RFX3: variants seen among roughly 807,000 people sequenced by gnomAD.
RFX3 encodes transcription factor RFX3.
In RFX3, 14 loss-of-function variants were observed where a neutral mutation model predicts 98.6. The observed-to-expected ratio is 0.14, with a 90% CI of 0.09 to 0.22. RFX3 has a LOEUF of 0.22. Ranked by LOEUF, RFX3 falls within the 10% of genes least tolerant of loss-of-function variation. The pLI, the probability that RFX3 is intolerant of heterozygous loss-of-function variation, is 1.00. For missense variants in RFX3, 639 were observed against 926.9 expected (o/e 0.69, Z 4.03); for synonymous variants, 383 against 328.4 (o/e 1.17, Z -1.80).
intron 2 of RFX3, among the ~76,000 whole-genome samples, chr9:3,373,864 G>C (rs1040806434): frequency 7.2e-5 from 11 of 152,186 alleles, no homozygotes; most frequent in Non-Finnish European, 1.5e-4. Flanking sequence ...AGATCACGAA[G>C]TCAGGAGATC....
chr9:3,389,559 G>C (rs971529481), intron 2 of RFX3, among the ~76,000 whole-genome samples: 1 of 152,060 alleles, frequency 6.6e-6, no homozygotes, highest in Non-Finnish European at 1.5e-5. Flanking sequence ...TAGCATTTCA[G>C]ATTGAGTATC....
intron 4 of RFX3, among the ~76,000 whole-genome samples, chr9:3,329,407 C>CAAAAAAAAAAAAAAAAAAAAAAAAAAAA (rs1202028884): frequency 1.3e-4 from 5 of 38,142 alleles, no homozygotes; most frequent in Non-Finnish European, 1.9e-4. Context: ...GACTTCATCT[C>CAAAAAAAAAAAAAAAAAAAAAAAAAAAA]AAAAAAAAAA....
At chr9:3,360,757 C>A (rs1025988010) in intron 2 of RFX3, among the ~76,000 whole-genome samples, 1 of 152,032 alleles carries the variant, frequency 6.6e-6, no homozygotes, top group African/African-American at 2.4e-5. Context: ...CACAGGAAAA[C>A]GTGCTAGCTC....
At chr9:3,451,565 A>G (rs1011591307) in intron 1 of RFX3, among the ~76,000 whole-genome samples, 4 of 152,156 alleles carry the variant, frequency 2.6e-5, no homozygotes, top group Non-Finnish European at 5.9e-5. Flanking sequence ...GTTTTGACTG[A>G]AAAAATAAAT....
chr9:3,494,754 C>T (rs2133560974), intron 1 of RFX3, among the ~76,000 whole-genome samples: 1 of 151,826 alleles, frequency 6.6e-6, no homozygotes, highest in South Asian at 2.1e-4. Flanking sequence ...TTATAAAATC[C>T]ATTAATGTCT....
chr9:3,309,092 T>C (rs1322654621), intron 4 of RFX3, among the ~76,000 whole-genome samples: 2 of 152,110 alleles, frequency 1.3e-5, no homozygotes, highest in East Asian at 1.9e-4. Flanking sequence ...TCTTGTCAGG[T>C]AGATTCAAGA....
chr9:3,324,393 C>T (rs1235519436), intron 4 of RFX3, among the ~76,000 whole-genome samples: 1 of 151,972 alleles, frequency 6.6e-6, no homozygotes, highest in Non-Finnish European at 1.5e-5. Flanking sequence ...TCGATGTAGT[C>T]ATAACCAATA....
At chr9:3,423,797 A>ATC (rs1440967972) in intron 1 of RFX3, among the ~76,000 whole-genome samples, 3 of 133,186 alleles carry the variant, frequency 2.3e-5, no homozygotes, top group African/African-American at 6.8e-5. Flanking sequence ...ATATATATAT[A>ATC]TATATATATA....
intron 1 of RFX3, among the ~76,000 whole-genome samples, chr9:3,411,659 T>G (rs1016718841): frequency 2.9e-5 from 4 of 137,552 alleles, no homozygotes; most frequent in East Asian, 2.0e-4. Flanking sequence ...TGTGTGTGTG[T>G]TTTTTTTTTT....
At chr9:3,291,180 C>A (rs1394354430) in intron 6 of RFX3, among the ~76,000 whole-genome samples, 1 of 152,036 alleles carries the variant, frequency 6.6e-6, no homozygotes, top group African/African-American at 2.4e-5. Context: ...GCCTGGCCAA[C>A]ATGGCGAAAC....
chr9:3,504,865 A>ATATGT (rs1564185227), intron 1 of RFX3, among the ~76,000 whole-genome samples: 2 of 77,346 alleles, frequency 2.6e-5, no homozygotes, highest in Admixed American at 2.2e-4. Flanking sequence ...ATGATATAAT[A>ATATGT]TATATTATAT....
At chr9:3,325,816 C>G (rs969943369) in intron 4 of RFX3, among the ~76,000 whole-genome samples, 3 of 151,930 alleles carry the variant, frequency 2.0e-5, no homozygotes, top group African/African-American at 7.3e-5. Context: ...CTCTAAAATT[C>G]TATAAATGAT....
chr9:3,316,430 G>T (rs1830598892), intron 4 of RFX3, among the ~76,000 whole-genome samples: 1 of 152,092 alleles, frequency 6.6e-6, no homozygotes, highest in African/African-American at 2.4e-5. Flanking sequence ...TACTGAATGG[G>T]CAAAAACTGG....
At chr9:3,395,884 T>C (rs1243035588) in intron 1 of RFX3, among the ~76,000 whole-genome samples, 1 of 152,192 alleles carries the variant, frequency 6.6e-6, no homozygotes, top group East Asian at 1.9e-4. Flanking sequence ...TTATAAATTG[T>C]TTAAATCCCT....
chr9:3,421,785 C>T (rs1843462528), intron 1 of RFX3, among the ~76,000 whole-genome samples: 1 of 152,114 alleles, frequency 6.6e-6, no homozygotes, highest in Admixed American at 6.5e-5. Flanking sequence ...CTCACATCAC[C>T]TCTAATATAT....
intron 1 of RFX3, among the ~76,000 whole-genome samples, chr9:3,429,376 A>T (rs1844433952): frequency 6.7e-6 from 1 of 149,816 alleles, no homozygotes; most frequent in Non-Finnish European, 1.5e-5. Context: ...AAAATGTTTA[A>T]TATGTAATCT....
Position 3,330,364 on chromosome 9 carries a change from T to C in RFX3, c.369A>G (p.Thr123=), listed in dbSNP as rs370396530. Residue 123 remains threonine (T), a synonymous_variant, in exon 4 of 17, where the codon ACA becomes ACG. Coordinates refer to ENST00000617270, the MANE Select transcript of RFX3 (RefSeq NM_001282116.2). ...VGTGGIQMGV[T]GGQLISSSGG... is the part of the protein sequence containing the mutation. ...CAGAGCTGCTGATGAGTTGTCCTCCTGTGACGCCCATCTGAATCCCACCAG... is the reference window on the plus strand; with the variant it reads ...CAGAGCTGCTGATGAGTTGTCCTCCCGTGACGCCCATCTGAATCCCACCAG... 3.7e-6 allele frequency: 6 copies of C among 1,614,046 alleles called. No homozygotes were observed. In the African/African-American group the frequency reaches 6.7e-5, roughly 18 times the overall value.
At chr9:3,345,426 A>C (rs1409743111) in intron 3 of RFX3, among the ~76,000 whole-genome samples, 1 of 152,162 alleles carries the variant, frequency 6.6e-6, no homozygotes, top group Admixed American at 6.6e-5. Flanking sequence ...TTTATAGGTA[A>C]TGGAGGTAGT....
intron 1 of RFX3, among the ~76,000 whole-genome samples, chr9:3,452,055 T>C (rs1846689878): frequency 6.6e-6 from 1 of 152,204 alleles, no homozygotes; most frequent in Non-Finnish European, 1.5e-5. Flanking sequence ...ACTCCCTACA[T>C]GACCTAAGTA....
Sources: gnomAD v4.1 joint callset for allele counts (sites outside exome capture counted in the v4.1 genomes callset) on GRCh38, gnomAD v4.1.1 for gene constraint, MANE v1.5 for transcripts, NCBI Gene and HGNC (gene_info 2026-07-23, HGNC 2026-07-21) for gene names.